The following CENATAC variants were observed in gnomAD, a reference collection of about 807,000 sequenced individuals.
CENATAC encodes centrosomal AT-AC splicing factor.
CENATAC carries 53 observed loss-of-function variants against 53.7 expected under a neutral mutation model. The ratio of observed to expected loss-of-function variants is 0.99; its 90% CI spans 0.79 to 1.24. The LOEUF (loss-of-function observed/expected upper bound fraction) is 1.24. CENATAC is among the 50% of genes most tolerant of loss of function. The pLI is 0.00. For missense variants in CENATAC, 474 were observed against 417.8 expected (o/e 1.13, Z -1.17); for synonymous variants, 156 against 144.6 (o/e 1.08, Z -0.57).
chr11:119,011,978 C>T lies in CENATAC; in HGVS notation c.553C>T (p.Pro185Ser), dbSNP rs1416567961. 1.9e-6 allele frequency: 3 copies of T among 1,614,072 alleles called. No homozygotes were observed. The highest frequency in any genetic ancestry group is 2.2e-5 in the South Asian group (2 of 91,074). The change falls in exon 6 of 11, where the codon CCT (proline) becomes TCT (serine). Residue 185 changes from proline (P) to serine (S), a missense_variant. Coordinates refer to ENST00000334418, the MANE Select transcript of CENATAC (RefSeq NM_198489.3). ...AGACCCAGAAGAGGGCTCTTCAGCACCTAGAAGCTGGAAAGGGATGAACAG... is the reference window on the plus strand; with the variant it reads ...AGACCCAGAAGAGGGCTCTTCAGCATCTAGAAGCTGGAAAGGGATGAACAG... The part of the protein sequence containing the change: ...VPDPEEGSSA[P>S]RSWKGMNSQV...
chr11:119,015,624 G>C lies in CENATAC; in HGVS notation c.*26G>C. ...TCATGCTCTCTACCAACTACCATGA[G>C]GCTAAAAGCAAAGTCAACAAACCCC... On this transcript the variant is annotated 3_prime_UTR_variant, in exon 11 of 11. Coordinates refer to ENST00000334418, the MANE Select transcript of CENATAC (RefSeq NM_198489.3). 1.2e-6 allele frequency: 2 copies of C among 1,612,922 alleles called. No individual in the cohort carries two copies. The highest frequency in any genetic ancestry group is 1.7e-6 in the Non-Finnish European group (2 of 1,179,128).
rs782404744 is a variant in CENATAC at position 119,015,321 on chromosome 11, T to G, written c.820T>G (p.Leu274Val). ...TCATTGTACAGAGGAAAAACAGAAG[T>G]TGAAAAAACTCCCCCCAGACCGAGT... The part of the protein sequence containing the change: ...EFLKEKEKQK[L>V]KKLPPDRVGA... Residue 274 changes from leucine (L) to valine (V), a missense_variant, in exon 10 of 11, where the codon TTG becomes GTG. Leu to Val is a conservative substitution (Grantham distance 32). Transcript: ENST00000334418. The G allele has an allele frequency of 1.2e-6, 2 of 1,611,294 alleles. No homozygotes were observed. The highest frequency in any genetic ancestry group is 2.7e-5 in the African/African-American group (2 of 74,644).
chr11:119,001,514 G>A lies in CENATAC; in HGVS notation c.383+2405G>A, dbSNP rs77565160. On this transcript the variant is annotated intron_variant, in intron 3 of 10. Coordinates refer to ENST00000334418, the MANE Select transcript of CENATAC (RefSeq NM_198489.3). Reference sequence around the variant, plus strand: ...TCAAGCGATTCTCCCGTTTCAGCCTGGATTTGTGTATTTTATGGTAGTAAA... The same window carrying A: ...TCAAGCGATTCTCCCGTTTCAGCCTAGATTTGTGTATTTTATGGTAGTAAA... 7.9e-3 allele frequency: 3,347 copies of A among 421,338 alleles called. 90 individuals carry two copies. Among genetic ancestry groups the A allele is most frequent in the African/African-American group, 0.063 (3,051 of 48,638 alleles). The allele number at this position is 421,338 out of a possible 1,614,324, so 26.1% of individuals were successfully genotyped here.
At chr11:119,011,383 T>G in intron 5 of CENATAC, 100 bp downstream of exon 5, 1 of 1,156,346 alleles carries the variant, frequency 8.6e-7, no homozygotes. Context: ...TCTTCTTCTT[T>G]TTTTTTTGGA....
chr11:119,015,152 G>A (rs934527029), intron 9 of CENATAC, 69 bp downstream of exon 9: 108 of 1,479,774 alleles, frequency 7.3e-5, no homozygotes, highest in Non-Finnish European at 9.2e-5. Context: ...TTGCCTGTGT[G>A]TGGTGGCTCA....
At chr11:119,009,694 A>G (rs1942776173) in intron 3 of CENATAC, 1 of 152,208 alleles carries the variant, frequency 6.6e-6, no homozygotes, top group Non-Finnish European at 1.5e-5. Flanking sequence ...CCTTGGATAT[A>G]TTCAAGGCTC....
chr11:119,012,111 C>G (rs1166452264), intron 6 of CENATAC, 38 bp from the exon 7 acceptor site: 1 of 1,614,058 alleles, frequency 6.2e-7, no homozygotes, highest in South Asian at 1.1e-5. Context: ...CCTCATGGCT[C>G]AAGGACCTCA....
chr11:119,014,765 T>A (rs1020123013), intron 8 of CENATAC: 21 of 357,904 alleles, frequency 5.9e-5, no homozygotes, highest in African/African-American at 3.2e-4. Context: ...CAAATTTAAG[T>A]GTGTATCGTT....
intron 3 of CENATAC, chr11:119,003,666 C>G: frequency 5.6e-6 from 1 of 178,670 alleles, no homozygotes; most frequent in Non-Finnish European, 1.1e-5. Flanking sequence ...TTCTGTTGCC[C>G]AGGCTGGAGT....
rs545709030 is a variant in CENATAC, at chr11:119,005,746, A to G, written c.384-5018A>G. 4 of 152,148 alleles carry G rather than the reference A, an allele frequency of 2.6e-5. No individual in the cohort carries two copies. In the South Asian group the frequency reaches 8.3e-4, roughly 32 times the overall value. The allele number at this position is 152,148 out of a possible 1,614,324, so 9.4% of individuals were successfully genotyped here. ...CTGCCTTCCAGGTTAGTCTACAGAA[A>G]GTCTAGTTGTGTTCCACTGTGTCTT... On this transcript the variant is annotated intron_variant, in intron 3 of 10. Transcript: ENST00000334418.
At chr11:119,013,145 G>T (rs1214850408) in intron 7 of CENATAC, 87 bp from the exon 8 acceptor site, 8 of 991,142 alleles carry the variant, frequency 8.1e-6, no homozygotes, top group Non-Finnish European at 1.2e-5. Flanking sequence ...CTCTTTTAAA[G>T]TGTGCTTTGT....
At chr11:118,999,788 G>A (rs1942200033) in intron 3 of CENATAC, among the ~76,000 whole-genome samples, 2 of 152,158 alleles carry the variant, frequency 1.3e-5, no homozygotes, top group Admixed American at 6.5e-5. Context: ...GACTACAGGC[G>A]CCTGCCACCA....
At chr11:119,013,190 C>G (rs782332286) in intron 7 of CENATAC, 42 bp from the exon 8 acceptor site, 1 of 1,526,248 alleles carries the variant, frequency 6.6e-7, no homozygotes, top group Non-Finnish European at 9.0e-7. Context: ...TTAATCATGC[C>G]TAGACTTTAA....
chr11:119,011,748 G>A (rs1376043800), intron 5 of CENATAC, among the ~76,000 whole-genome samples, 191 bp from the exon 6 acceptor site: 1 of 152,072 alleles, frequency 6.6e-6, no homozygotes, highest in Non-Finnish European at 1.5e-5. Flanking sequence ...TGTGCCAGGG[G>A]GCAGGCCTAG....
intron 3 of CENATAC, among the ~76,000 whole-genome samples, chr11:118,999,787 C>T (rs1252576702): frequency 2.0e-5 from 3 of 152,202 alleles, no homozygotes; most frequent in Non-Finnish European, 2.9e-5. Context: ...GGACTACAGG[C>T]GCCTGCCACC....
In CENATAC at chr11:119,007,177, T is replaced by C. The variant is rs73559114; in HGVS notation, c.384-3587T>C. Among the ~76,000 whole-genome samples, 1,357 of 152,128 alleles carry C rather than the reference T, an allele frequency of 8.9e-3. 23 individuals carry two copies. Among genetic ancestry groups the C allele is most frequent in the African/African-American group, 0.031 (1,275 of 41,476 alleles). On this transcript the variant is annotated intron_variant, in intron 3 of 10. Transcript: ENST00000334418. ...CCAGGAGATACCGGCAACCTAAATATAGTTTTCTTTTCGTTTCTTTTTTTT... is the reference window on the plus strand; with the variant it reads ...CCAGGAGATACCGGCAACCTAAATACAGTTTTCTTTTCGTTTCTTTTTTTT...
chr11:119,015,315 CAG>C lies in CENATAC; in HGVS notation c.816_817del (p.Lys273ValfsTer14), dbSNP rs782115621. On this transcript the variant is annotated frameshift_variant, in exon 10 of 11. Transcript: ENST00000334418. LOFTEE classifies it high-confidence loss of function. ...TCCCTATCATTGTACAGAGGAAAAA[CAG>C]AAGTTGAAAAAACTCCCCCCAGACC... is the stretch of plus-strand genomic sequence containing the variant. ...YEEFLKEKEK[Q>X]KLKKLPPDRV... is the part of the protein sequence containing the mutation. 5 of 1,610,926 alleles carry C rather than the reference CAG, an allele frequency of 3.1e-6. No homozygotes were observed. In the African/African-American group the frequency reaches 4.0e-5, roughly 13 times the overall value.
chr11:119,014,955 A>T, intron 8 of CENATAC, 39 bp from the exon 9 acceptor site: 1 of 1,215,982 alleles, frequency 8.2e-7, no homozygotes, highest in Non-Finnish European at 1.1e-6. Context: ...TAGCCTGAAG[A>T]CTTAAAAAAA....
chr11:119,015,178 C>A, intron 9 of CENATAC, 95 bp downstream of exon 9: 1 of 1,449,354 alleles, frequency 6.9e-7, no homozygotes, highest in South Asian at 1.2e-5. Context: ...ATAATCCTAG[C>A]ATTTTGGGAG....
Sources: gnomAD v4.1 joint callset for allele counts (sites outside exome capture counted in the v4.1 genomes callset) on GRCh38, gnomAD v4.1.1 for gene constraint, MANE v1.5 for transcripts, NCBI Gene and HGNC (gene_info 2026-07-23, HGNC 2026-07-21) for gene names.